USH1C: variants seen among roughly 807,000 people sequenced by gnomAD.
USH1C encodes the protein harmonin.
In USH1C, 90 loss-of-function variants were observed where a neutral mutation model predicts 119.3. The ratio of observed to expected loss-of-function variants is 0.75; its 90% CI spans 0.64 to 0.90. The LOEUF (loss-of-function observed/expected upper bound fraction) is 0.90. Among genes scored for constraint, USH1C ranks in the 40% least tolerant of loss-of-function variants. The probability of loss-of-function intolerance (pLI) is 0.00; values close to 1 mark genes in which losing one functional copy is unlikely to be tolerated. For missense variants in USH1C, 1,165 were observed against 1,167.7 expected, an observed-to-expected ratio of 1.00 and a Z score of 0.03; for synonymous variants, 465 against 443.3, an observed-to-expected ratio of 1.05 and a Z score of -0.62.
At chr11:17,526,506 G>C in intron 7 of USH1C, 65 bp from the exon 8 acceptor site, 1 of 1,447,688 alleles carries the variant, frequency 6.9e-7, no homozygotes, top group East Asian at 2.3e-5. Flanking sequence ...TCTTGAGCTT[G>C]TGGGATCTGC....
intron 18 of USH1C, among the ~76,000 whole-genome samples, chr11:17,506,768 C>T (rs915467281): frequency 6.6e-6 from 1 of 152,214 alleles, no homozygotes; most frequent in African/African-American, 2.4e-5. Flanking sequence ...TTCCTCTACT[C>T]CAGCCCTCTT....
At chr11:17,523,103 G>A in intron 11 of USH1C, 108 bp downstream of exon 11, 4 of 1,586,192 alleles carry the variant, frequency 2.5e-6, no homozygotes, top group Non-Finnish European at 3.5e-6. Flanking sequence ...CTCTGTCAGA[G>A]CTTCAGGGAA....
At chr11:17,520,299 C>T (rs1310812208) in intron 14 of USH1C, among the ~76,000 whole-genome samples, 1 of 152,148 alleles carries the variant, frequency 6.6e-6, no homozygotes, top group Non-Finnish European at 1.5e-5. Flanking sequence ...GGCCCCAGGA[C>T]AGCACAGCCA....
At chr11:17,521,491 G>A in intron 12 of USH1C, 80 bp from the exon 13 acceptor site, 1 of 1,511,280 alleles carries the variant, frequency 6.6e-7, no homozygotes, top group Non-Finnish European at 9.2e-7. Flanking sequence ...TCTTGATTTG[G>A]AGAAAAGTTG....
At chr11:17,540,102 G>A (rs1237893320) in intron 1 of USH1C, among the ~76,000 whole-genome samples, 1 of 152,102 alleles carries the variant, frequency 6.6e-6, no homozygotes, top group Non-Finnish European at 1.5e-5. Context: ...AAAATGCTGG[G>A]ATTTCAGGCG....
At chr11:17,519,688 C>T (rs539196227) in intron 14 of USH1C, among the ~76,000 whole-genome samples, 2 of 152,272 alleles carry the variant, frequency 1.3e-5, no homozygotes, top group Admixed American at 6.5e-5. Flanking sequence ...CTGAATGTCA[C>T]GGGGGAGGCT....
At chr11:17,523,534 T>C in intron 9 of USH1C, 56 bp from the exon 10 acceptor site, 4 of 1,585,200 alleles carry the variant, frequency 2.5e-6, no homozygotes, top group Non-Finnish European at 3.5e-6. Context: ...CACTCGCTCA[T>C]CTGCAGGACA....
At chr11:17,528,559 C>T (rs1850818283) in intron 4 of USH1C, among the ~76,000 whole-genome samples, 1 of 152,230 alleles carries the variant, frequency 6.6e-6, no homozygotes, top group Admixed American at 6.5e-5. Flanking sequence ...CACGTGCTCA[C>T]CCTTTGGAGA....
In USH1C at chr11:17,512,170, A is replaced by C. The variant is rs1849923260; in HGVS notation, c.1261-116T>G. The stretch of plus-strand genomic sequence containing the variant: ...CCATCCCATGGTGAGCCCCTCCCCC[A>C]GCTCTCTCACCACTCTGGACATCAG... On this transcript the variant is annotated intron_variant, in intron 15 of 26. Coordinates refer to ENST00000005226, the MANE Select transcript of USH1C (RefSeq NM_153676.4). The C allele has an allele frequency of 2.5e-6, 3 of 1,185,662 alleles. No homozygotes were observed. In the Admixed American group the frequency reaches 5.1e-5, roughly 20 times the overall value. The allele number at this position is 1,185,662 out of a possible 1,614,324, so 73.4% of individuals were successfully genotyped here.
In USH1C at chr11:17,504,680, C is replaced by T; in HGVS notation, c.2151G>A (p.Lys717=). 1 of 1,614,058 alleles carries T rather than the reference C, an allele frequency of 6.2e-7. No homozygotes were observed. The highest frequency in any genetic ancestry group is 1.3e-5 in the African/African-American group (1 of 74,996). ...ATGCTGTCTGATAAACCACCATCCTCTTCAACATCTCCTGTGGCTGCCAGA... is the reference window on the plus strand; with the variant it reads ...ATGCTGTCTGATAAACCACCATCCTTTTCAACATCTCCTGTGGCTGCCAGA... ...KSEVLPQEML[K]RMVVYQTAFR... Residue 717 remains lysine, a synonymous_variant, in exon 20 of 27, where the codon AAG becomes AAA. Transcript: ENST00000005226.
intron 23 of USH1C, among the ~76,000 whole-genome samples, chr11:17,499,244 G>A (rs2133776314): frequency 1.3e-5 from 2 of 152,334 alleles, no homozygotes; most frequent in East Asian, 3.9e-4. Flanking sequence ...TCACCCAGGA[G>A]CCTTGTGGCA....
chr11:17,531,199 G>A lies in USH1C; in HGVS notation c.342C>T (p.Ile114=). ...GGLEFGCGLF[I]SHLIKGGQAD... The stretch of plus-strand genomic sequence containing the variant: ...CCTGACCGCCTTTGATGAGGTGGGA[G>A]ATGAAGAGCCCACAGCCAAACTCCA... Residue 114 remains isoleucine (I), a synonymous_variant, in exon 4 of 27, where the codon ATC becomes ATT. Transcript: ENST00000005226. The surrounding 1 kb of genome is among the most constrained non-coding windows in gnomAD (Gnocchi z 4.2). The A allele has an allele frequency of 1.2e-6, 2 of 1,614,044 alleles. No individual in the cohort carries two copies. The highest frequency in any genetic ancestry group is 1.7e-6 in the Non-Finnish European group (2 of 1,179,954).
Position 17,509,613 on chromosome 11 carries a change from C to A in USH1C, c.1756G>T (p.Gly586Cys). Residue 586 changes from glycine to cysteine, a missense_variant, in exon 18 of 27, where the codon GGC becomes TGC. Gly to Cys is a radical substitution (Grantham distance 159). Transcript: ENST00000005226. ...VPAPPVLPLS[G>C]HVSASSSPWV... ...GGAGAGGATGAGGCGCTCACATGGC[C>A]AGATAAGGGAAGGACAGGGGGCGCC... is the stretch of plus-strand genomic sequence containing the variant. 1 of 1,580,232 alleles carries A rather than the reference C, an allele frequency of 6.3e-7. No homozygotes were observed. The highest frequency in any genetic ancestry group is 8.5e-7 in the Non-Finnish European group (1 of 1,172,430).
chr11:17,510,581 G>C (rs1565035303), intron 16 of USH1C, 60 bp from the exon 17 acceptor site: 1 of 1,251,954 alleles, frequency 8.0e-7, no homozygotes, highest in Middle Eastern at 1.9e-4. Context: ...ATAACATGTG[G>C]ATAGAAATAG....
chr11:17,526,225 T>G, intron 8 of USH1C, 122 bp downstream of exon 8: 1 of 800,038 alleles, frequency 1.2e-6, no homozygotes, highest in Non-Finnish European at 2.1e-6. Context: ...TCATCACCCA[T>G]GGACAGTCAC....
chr11:17,520,814 G>A (rs1255587611), intron 14 of USH1C, 56 bp downstream of exon 14: 2 of 1,609,020 alleles, frequency 1.2e-6, no homozygotes, highest in South Asian at 1.1e-5. Flanking sequence ...AGGGGAGGGA[G>A]GGCCAGCATT....
chr11:17,527,125 C>T, intron 5 of USH1C, 85 bp from the exon 6 acceptor site: 1 of 942,554 alleles, frequency 1.1e-6, no homozygotes, highest in East Asian at 8.5e-5. Context: ...TGCTCCCCCG[C>T]CCTCCCTCCC....
In USH1C at chr11:17,522,102, G is replaced by C. The variant is rs868618702; in HGVS notation, c.1019+682C>G. Reference sequence around the variant, plus strand: ...CCGGCCTCGACCTCCAAAGTGCTGGGATAACAGGCGTGAGTCACTGCGTCC... The same window carrying C: ...CCGGCCTCGACCTCCAAAGTGCTGGCATAACAGGCGTGAGTCACTGCGTCC... On this transcript the variant is annotated intron_variant, in intron 12 of 26. Transcript: ENST00000005226. Among the ~76,000 whole-genome samples, 6 of 152,322 alleles carry C rather than the reference G, an allele frequency of 3.9e-5. No homozygotes were observed. The South Asian group carries it at 1.0e-3, about 26-fold the overall frequency.
At chr11:17,535,546 G>A (rs539101761) in intron 1 of USH1C, among the ~76,000 whole-genome samples, 1 of 152,244 alleles carries the variant, frequency 6.6e-6, no homozygotes, top group South Asian at 2.1e-4. Flanking sequence ...ATCCCATGAG[G>A]GGAAAGATGA....
Sources: gnomAD v4.1 joint callset for allele counts (sites outside exome capture counted in the v4.1 genomes callset) on GRCh38, gnomAD v4.1.1 for gene constraint, Gnocchi (gnomAD v3.1) non-coding constraint, MANE v1.5 for transcripts, NCBI Gene and HGNC (gene_info 2026-07-23, HGNC 2026-07-21) for gene names.